SLC38A11: variants seen among roughly 807,000 people sequenced by gnomAD.
SLC38A11 encodes the protein putative sodium-coupled neutral amino acid transporter 11.
A neutral mutation model predicts 49.4 loss-of-function variants in SLC38A11; 51 were observed. That is an observed-to-expected ratio of 1.03 (90% CI 0.83 to 1.30). The LOEUF is 1.30. Ranked by LOEUF, SLC38A11 falls within the 50% of genes most tolerant of loss-of-function variation. The probability of loss-of-function intolerance (pLI) is 0.00; values close to 1 mark genes in which losing one functional copy is unlikely to be tolerated. For synonymous variants in SLC38A11, 203 were observed against 192.9 expected (o/e 1.05, Z -0.43); for missense variants, 574 against 556.2 (o/e 1.03, Z -0.32).
At chr2:164,932,383 C>T (rs1047823060) in intron 7 of SLC38A11, among the ~76,000 whole-genome samples, 2 of 152,082 alleles carry the variant, frequency 1.3e-5, no homozygotes, top group African/African-American at 4.8e-5. Flanking sequence ...AACAGAGCTA[C>T]CATTTGACCC....
Position 164,897,265 on chromosome 2 carries a change from C to T in SLC38A11, c.*1172G>A, listed in dbSNP as rs1684394061. The T allele has an allele frequency of 1.3e-5, 2 of 152,188 alleles. No homozygotes were observed. The highest frequency in any genetic ancestry group is 2.9e-5 in the Non-Finnish European group (2 of 68,044). 9.4% of individuals were successfully genotyped at this position (152,188 alleles called of 1,614,324 possible). On this transcript the variant is annotated 3_prime_UTR_variant, in exon 12 of 12. Transcript: ENST00000685975. ...AGTAGACCACCTCGAGCTCTCAGTT[C>T]CTTTAGGGTTTGCTCTGCTGCAAAG...
Position 164,945,697 on chromosome 2 carries a change from C to T in SLC38A11, c.260G>A (p.Gly87Glu). Residue 87 changes from glycine (G) to glutamate (E), a missense_variant, in exon 4 of 12, where the codon GGG (glycine) becomes GAG (glutamate). Coordinates refer to ENST00000685975, the MANE Select transcript of SLC38A11 (RefSeq NM_001351537.2). ...DFSLVLLIKGGALSGTDTYQS... is the reference protein window; with the variant it reads ...DFSLVLLIKGEALSGTDTYQS... The stretch of plus-strand genomic sequence containing the variant: ...GTAGGTATCTGTTCCAGAGAGGGCC[C>T]CTCCTTTTATCAATAAAACAAGGGA... 2 of 1,606,932 alleles carry T rather than the reference C, an allele frequency of 1.2e-6. No individual in the cohort carries two copies. The highest frequency in any genetic ancestry group is 1.7e-6 in the Non-Finnish European group (2 of 1,178,412).
chr2:164,910,413 T>TG (rs1193062176), intron 10 of SLC38A11, among the ~76,000 whole-genome samples: 3 of 152,080 alleles, frequency 2.0e-5, no homozygotes, highest in Non-Finnish European at 4.4e-5. Flanking sequence ...TACCATGTCC[T>TG]GCATCTGACA....
At chr2:164,934,236 A>G (rs1204631452) in intron 7 of SLC38A11, among the ~76,000 whole-genome samples, 1 of 152,194 alleles carries the variant, frequency 6.6e-6, no homozygotes, top group Non-Finnish European at 1.5e-5. Flanking sequence ...ACAGTATTTC[A>G]CATGACACTT....
chr2:164,928,509 T>A (rs1194224465), intron 7 of SLC38A11, among the ~76,000 whole-genome samples: 1 of 152,212 alleles, frequency 6.6e-6, no homozygotes, highest in Non-Finnish European at 1.5e-5. Flanking sequence ...TGCTGAGTAA[T>A]GGGTATATAG....
chr2:164,916,899 G>A (rs1200326898), intron 7 of SLC38A11, among the ~76,000 whole-genome samples: 1 of 152,032 alleles, frequency 6.6e-6, no homozygotes, highest in East Asian at 1.9e-4. Flanking sequence ...GTGATTTTAG[G>A]CAAGTTACAG....
In SLC38A11 at chr2:164,934,634, C is replaced by T. The variant is rs1324352648; in HGVS notation, c.617+2716G>A. Among the ~76,000 whole-genome samples the T allele has an allele frequency of 2.0e-5, 3 of 152,092 alleles. No homozygotes were observed. The East Asian group carries it at 5.8e-4, about 29-fold the overall frequency. On this transcript the variant is annotated intron_variant, in intron 7 of 11. Transcript: ENST00000685975. The stretch of plus-strand genomic sequence containing the variant: ...TACTTCCTACTTTAGCTATGTTTCC[C>T]CCTCAATATTGCCTCATAATACTAT...
intron 5 of SLC38A11, among the ~76,000 whole-genome samples, chr2:164,942,505 AT>A (rs1377633670): frequency 1.8e-4 from 28 of 152,074 alleles, no homozygotes; most frequent in Non-Finnish European, 4.0e-4. Context: ...ACCTTGAAAA[AT>A]AACAAAGAAA....
intron 5 of SLC38A11, among the ~76,000 whole-genome samples, chr2:164,939,992 A>T (rs1687640632): frequency 9.6e-6 from 1 of 104,588 alleles, no homozygotes; most frequent in Admixed American, 1.1e-4. Context: ...GCATTTTCTA[A>T]GGTTTTTTTT....
At position 164,945,596 on chromosome 2, in the gene SLC38A11, T is replaced by G. The variant is rs1470305981; in HGVS notation, c.361A>C (p.Ile121Leu). The G allele has an allele frequency of 1.3e-6, 2 of 1,592,974 alleles. No homozygotes were observed. The highest frequency in any genetic ancestry group is 3.8e-5 in the Admixed American group (2 of 52,442). ...LSVLQFLYPF[I>L]AMISYNIIAG... Reference sequence around the variant, plus strand: ...TTTATCTTCACAGTCAACTTACCTATAAAAGGATACAAAAACTGAAGAACA... The same window carrying G: ...TTTATCTTCACAGTCAACTTACCTAGAAAAGGATACAAAAACTGAAGAACA... Residue 121 changes from isoleucine (I) to leucine (L), a missense_variant, in exon 4 of 12, where the codon ATA (isoleucine) becomes CTA (leucine). Coordinates refer to ENST00000685975, the MANE Select transcript of SLC38A11 (RefSeq NM_001351537.2).
At chr2:164,915,769 C>T in intron 8 of SLC38A11, 134 bp downstream of exon 8, 2 of 641,392 alleles carry the variant, frequency 3.1e-6, no homozygotes, top group East Asian at 2.5e-5. Context: ...TTGGCACAAA[C>T]TAGATCATAT....
chr2:164,904,369 G>C (rs544533107), intron 11 of SLC38A11, among the ~76,000 whole-genome samples: 47 of 152,032 alleles, frequency 3.1e-4, no homozygotes, highest in African/African-American at 1.1e-3. Context: ...GTGTGTGTTT[G>C]CTTTGGAAAA....
chr2:164,952,815 T>G lies in SLC38A11; in HGVS notation c.155-34A>C, dbSNP rs1688615505. The G allele has an allele frequency of 2.0e-6, 3 of 1,513,152 alleles. No homozygotes were observed. The East Asian group carries it at 6.8e-5, about 34-fold the overall frequency. The allele number at this position is 1,513,152 out of a possible 1,614,324, so 93.7% of individuals were successfully genotyped here. On this transcript the variant is annotated intron_variant, in intron 2 of 11. Transcript: ENST00000685975. The stretch of plus-strand genomic sequence containing the variant: ...ACATAAAATGCCCCACCCTTCACAT[T>G]AACAAGAAAGCTAGAAACACAGAAA...
At chr2:164,912,287 TTTTCTC>T (rs1171543358) in intron 9 of SLC38A11, 1 of 152,070 alleles carries the variant, frequency 6.6e-6, no homozygotes, top group African/African-American at 2.4e-5. Context: ...CACTGATAGT[TTTTCTC>T]TTATTATTTG....
chr2:164,946,736 A>C (rs1208055648), intron 3 of SLC38A11, among the ~76,000 whole-genome samples: 1 of 152,108 alleles, frequency 6.6e-6, no homozygotes, highest in Non-Finnish European at 1.5e-5. Context: ...CTACACACAC[A>C]ATGTGAGATA....
At chr2:164,920,442 A>G (rs1286320840) in intron 7 of SLC38A11, among the ~76,000 whole-genome samples, 1 of 151,172 alleles carries the variant, frequency 6.6e-6, no homozygotes, top group Non-Finnish European at 1.5e-5. Context: ...TGGGCCACAT[A>G]AGTTTATCTT....
chr2:164,906,674 C>T (rs1484817131), intron 11 of SLC38A11, among the ~76,000 whole-genome samples: 2 of 152,098 alleles, frequency 1.3e-5, no homozygotes, highest in Non-Finnish European at 2.9e-5. Flanking sequence ...TAGTGTTTGG[C>T]CTATGCAAAA....
Position 164,946,023 on chromosome 2 carries a change from CT to C in SLC38A11, c.230-297del, listed in dbSNP as rs1688082483. Among the ~76,000 whole-genome samples the C allele has an allele frequency of 2.0e-5, 3 of 152,268 alleles. No homozygotes were observed. The South Asian group carries it at 6.2e-4, about 32-fold the overall frequency. On this transcript the variant is annotated intron_variant, in intron 3 of 11. Transcript: ENST00000685975. The stretch of plus-strand genomic sequence containing the variant: ...GTCAAACTGCCAGTGTTCCATTTTA[CT>C]TTCCTGATGTAACCAATGCAGCAAA...
intron 5 of SLC38A11, among the ~76,000 whole-genome samples, chr2:164,942,798 C>T (rs4667774): frequency 0.13 from 19,775 of 152,126 alleles, 1,453 homozygotes; most frequent in East Asian, 0.29. Flanking sequence ...GGTAAGTCTA[C>T]TGTGTGCTAG....
Sources: allele counts gnomAD v4.1 joint callset (sites outside exome capture counted in the v4.1 genomes callset), GRCh38; gene constraint gnomAD v4.1.1; transcripts MANE v1.5; gene names NCBI Gene and HGNC (gene_info 2026-07-23, HGNC 2026-07-21).